Variants in ARHGAP20 observed in about 807,000 individuals in gnomAD.
The protein encoded by ARHGAP20 is rho GTPase-activating protein 20.
In ARHGAP20, 34 loss-of-function variants were observed where a neutral mutation model predicts 73.7. That is an observed-to-expected ratio of 0.46 (90% CI 0.35 to 0.61). The LOEUF (loss-of-function observed/expected upper bound fraction) is 0.61. Among genes scored for constraint, ARHGAP20 ranks in the 20% least tolerant of loss-of-function variants. The probability of loss-of-function intolerance (pLI) is 0.00; values close to 1 mark genes in which losing one functional copy is unlikely to be tolerated. For missense variants in ARHGAP20, 1,314 were observed against 1,420.9 expected, an observed-to-expected ratio of 0.92 and a Z score of 1.21; for synonymous variants, 523 against 518.2, an observed-to-expected ratio of 1.01 and a Z score of -0.13.
intron 9 of ARHGAP20, among the ~76,000 whole-genome samples, chr11:110,600,646 A>C (rs969521546): frequency 6.6e-6 from 1 of 152,264 alleles, no homozygotes; most frequent in East Asian, 1.9e-4. Context: ...ATCACTGTCC[A>C]CAGAGATTTC....
At chr11:110,654,671 G>A (rs147944883) in intron 2 of ARHGAP20, among the ~76,000 whole-genome samples, 82 of 152,250 alleles carry the variant, frequency 5.4e-4, no homozygotes, top group South Asian at 4.4e-3. Flanking sequence ...TTGGTAGAAC[G>A]AGCAAACACA....
intron 7 of ARHGAP20, among the ~76,000 whole-genome samples, chr11:110,610,965 C>T (rs1384661782): frequency 1.3e-5 from 2 of 151,814 alleles, no homozygotes; most frequent in Non-Finnish European, 2.9e-5. Flanking sequence ...AAATTGTGAC[C>T]AGTAGCAAGG....
chr11:110,660,720 T>A (rs137912592), intron 2 of ARHGAP20, among the ~76,000 whole-genome samples: 1 of 152,322 alleles, frequency 6.6e-6, no homozygotes, highest in Non-Finnish European at 1.5e-5. Context: ...ATATTTTCAA[T>A]GCCTTAGGAA....
At chr11:110,697,735 G>A in intron 1 of ARHGAP20, among the ~76,000 whole-genome samples, 1 of 151,658 alleles carries the variant, frequency 6.6e-6, no homozygotes, top group East Asian at 1.9e-4. Context: ...GTTGGTTGTA[G>A]GTATATGGCT....
chr11:110,582,684 G>A (rs192031801), intron 13 of ARHGAP20, among the ~76,000 whole-genome samples: 1 of 152,250 alleles, frequency 6.6e-6, no homozygotes, highest in Non-Finnish European at 1.5e-5. Flanking sequence ...TATACCAATG[G>A]CTCTGTCTGT....
chr11:110,672,081 C>T (rs1949839753), intron 2 of ARHGAP20, among the ~76,000 whole-genome samples: 1 of 152,068 alleles, frequency 6.6e-6, no homozygotes, highest in African/African-American at 2.4e-5. Context: ...AGGATAACAT[C>T]TTTGAGACTT....
At chr11:110,665,051 T>C (rs1949696055) in intron 2 of ARHGAP20, among the ~76,000 whole-genome samples, 1 of 151,992 alleles carries the variant, frequency 6.6e-6, no homozygotes, top group East Asian at 1.9e-4. Flanking sequence ...TAAGAACTAA[T>C]AACAGAAAGA....
chr11:110,586,162 C>T, intron 12 of ARHGAP20, 54 bp downstream of exon 12: 2 of 933,002 alleles, frequency 2.1e-6, no homozygotes, highest in East Asian at 6.2e-5. Context: ...AATAAATAAT[C>T]TTATAAAATA....
At chr11:110,640,665 A>G (rs1456082809) in intron 2 of ARHGAP20, among the ~76,000 whole-genome samples, 1 of 151,808 alleles carries the variant, frequency 6.6e-6, no homozygotes, top group Admixed American at 6.6e-5. Flanking sequence ...TGATAAAATC[A>G]CATTGAAATT....
Position 110,698,207 on chromosome 11 carries a change from T to A in ARHGAP20, c.106-7578A>T, listed in dbSNP as rs946050239. 8.6e-5 allele frequency among the ~76,000 whole-genome samples: 13 copies of A among 152,044 alleles called. 1 individual carries two copies. The East Asian group carries it at 2.5e-3, about 29-fold the overall frequency. On this transcript the variant is annotated intron_variant, in intron 1 of 14. Transcript: ENST00000683387. Reference sequence around the variant, plus strand: ...TGGTTTTTGTTTTTAGTTCTGTGTATGTGGTAAAACACACTTATTGATTTG... The same window carrying A: ...TGGTTTTTGTTTTTAGTTCTGTGTAAGTGGTAAAACACACTTATTGATTTG...
At chr11:110,600,383 G>A (rs564974636) in intron 9 of ARHGAP20, among the ~76,000 whole-genome samples, 6 of 152,342 alleles carry the variant, frequency 3.9e-5, no homozygotes, top group East Asian at 3.9e-4. Flanking sequence ...TGGTGTGCCT[G>A]GTCTGGCTGC....
intron 2 of ARHGAP20, among the ~76,000 whole-genome samples, chr11:110,642,755 T>C (rs1160785699): frequency 6.6e-6 from 1 of 152,138 alleles, no homozygotes; most frequent in Non-Finnish European, 1.5e-5. Flanking sequence ...TCTTTATTCA[T>C]TGTTGCTTTG....
Position 110,577,389 on chromosome 11 carries a change from G to A in ARHGAP20, c.*1981C>T. The stretch of plus-strand genomic sequence containing the variant: ...AGGAGTATCTAAGGGAACACAGATA[G>A]TAGGAATGGTTATTAAAAAACCTCA... On this transcript the variant is annotated 3_prime_UTR_variant, in exon 15 of 15. Coordinates refer to ENST00000683387, the MANE Select transcript of ARHGAP20 (RefSeq NM_001384657.1). 1.7e-6 allele frequency: 2 copies of A among 1,161,820 alleles called. No individual in the cohort carries two copies. Among genetic ancestry groups the A allele is most frequent in the Non-Finnish European group, 2.1e-6 (2 of 944,294 alleles). The allele number at this position is 1,161,820 out of a possible 1,614,324, so 72.0% of individuals were successfully genotyped here.
At chr11:110,594,755 T>G (rs535541694) in intron 9 of ARHGAP20, among the ~76,000 whole-genome samples, 1 of 150,984 alleles carries the variant, frequency 6.6e-6, no homozygotes, top group African/African-American at 2.4e-5. Flanking sequence ...TTCCAATCAA[T>G]AGAAAAAGAG....
intron 9 of ARHGAP20, among the ~76,000 whole-genome samples, chr11:110,594,419 A>C (rs1947902683): frequency 6.6e-6 from 1 of 152,214 alleles, no homozygotes; most frequent in Admixed American, 6.5e-5. Flanking sequence ...TGTATAGGAT[A>C]ATCTATAAAA....
intron 2 of ARHGAP20, among the ~76,000 whole-genome samples, chr11:110,680,942 T>C (rs12803231): frequency 0.15 from 22,817 of 152,202 alleles, 1,817 homozygotes; most frequent in South Asian, 0.29. Flanking sequence ...TTGCTGTCTC[T>C]TTTCCTTATA....
intron 2 of ARHGAP20, among the ~76,000 whole-genome samples, chr11:110,639,339 G>A (rs1006687768): frequency 8.7e-5 from 13 of 149,352 alleles, no homozygotes; most frequent in Non-Finnish European, 1.5e-4. Context: ...GAACCTCCGA[G>A]TTCTCTGAAA....
At chr11:110,588,662 T>C (rs557613024) in intron 11 of ARHGAP20, among the ~76,000 whole-genome samples, 1 of 152,330 alleles carries the variant, frequency 6.6e-6, no homozygotes, top group Non-Finnish European at 1.5e-5. Context: ...ATTTCTGCAA[T>C]TTGAAACATA....
intron 6 of ARHGAP20, among the ~76,000 whole-genome samples, chr11:110,612,427 CA>C (rs994348418): frequency 6.5e-5 from 9 of 137,540 alleles, no homozygotes; most frequent in African/African-American, 1.3e-4. Flanking sequence ...GACTCCATCT[CA>C]AAAAAAAAAC....
Sources: gnomAD v4.1 joint callset for allele counts (sites outside exome capture counted in the v4.1 genomes callset) on GRCh38, gnomAD v4.1.1 for gene constraint, MANE v1.5 for transcripts, NCBI Gene and HGNC (gene_info 2026-07-23, HGNC 2026-07-21) for gene names.